UBE2R2: variants seen among roughly 807,000 people sequenced by gnomAD.
UBE2R2 encodes the protein ubiquitin-conjugating enzyme E2 R2.
A neutral mutation model predicts 27.8 loss-of-function variants in UBE2R2; 1 was observed. The ratio of observed to expected loss-of-function variants is 0.04; its 90% CI spans 0.01 to 0.17. The LOEUF (loss-of-function observed/expected upper bound fraction) is 0.17. Ranked by LOEUF, UBE2R2 falls within the 10% of genes least tolerant of loss-of-function variation. The pLI, the probability that UBE2R2 is intolerant of heterozygous loss-of-function variation, is 1.00. For missense variants in UBE2R2, 100 were observed against 291.0 expected (o/e 0.34, Z 4.78); for synonymous variants, 106 against 113.3 (o/e 0.94, Z 0.41).
chr9:33,859,793 TGTGTGTGAGAGA>T (rs1310970217), intron 1 of UBE2R2, among the ~76,000 whole-genome samples: 3 of 124,804 alleles, frequency 2.4e-5, no homozygotes, highest in African/African-American at 8.3e-5. Context: ...TGTGTGTGTG[TGTGTGTGAGAGA>T]GAGAGAGAGA....
chr9:33,881,866 T>G (rs1381992926), intron 1 of UBE2R2, among the ~76,000 whole-genome samples: 7 of 152,150 alleles, frequency 4.6e-5, no homozygotes, highest in Non-Finnish European at 1.0e-4. Flanking sequence ...ACTTTATTGT[T>G]AGAAAGTGAG....
intron 1 of UBE2R2, among the ~76,000 whole-genome samples, chr9:33,878,002 C>T (rs1821653142): frequency 6.6e-6 from 1 of 152,064 alleles, no homozygotes; most frequent in African/African-American, 2.4e-5. Context: ...GGTGATCCGC[C>T]CACCTCAGCC....
At chr9:33,889,074 G>A (rs1291640270) in intron 2 of UBE2R2, among the ~76,000 whole-genome samples, 1 of 152,176 alleles carries the variant, frequency 6.6e-6, no homozygotes, top group Non-Finnish European at 1.5e-5. Context: ...TGACTACACT[G>A]TTCTGTGTAA....
chr9:33,886,342 G>C lies in UBE2R2; in HGVS notation c.178-539G>C, dbSNP rs575720789. ...TATGTTTGTGTATGTGAGTGAGTGT[G>C]AGTTTTGGTGACTTAAAATAGCCTT... On this transcript the variant is annotated intron_variant, in intron 1 of 4. Transcript: ENST00000263228. Among the ~76,000 whole-genome samples the C allele has an allele frequency of 2.6e-5, 4 of 152,234 alleles. No individual in the cohort carries two copies. In the East Asian group the frequency reaches 7.7e-4, roughly 29 times the overall value.
intron 1 of UBE2R2, among the ~76,000 whole-genome samples, chr9:33,848,454 T>C (rs889672656): frequency 6.6e-6 from 1 of 152,134 alleles, no homozygotes; most frequent in Non-Finnish European, 1.5e-5. Context: ...GTAGATAGGA[T>C]GTGGGGCTGT....
chr9:33,836,061 C>T (rs1820607147), intron 1 of UBE2R2, among the ~76,000 whole-genome samples: 1 of 152,016 alleles, frequency 6.6e-6, no homozygotes, highest in Non-Finnish European at 1.5e-5. Context: ...CCAGCACTTT[C>T]GGGAGGGCGA....
At chr9:33,840,228 C>T (rs900644106) in intron 1 of UBE2R2, among the ~76,000 whole-genome samples, 1 of 152,090 alleles carries the variant, frequency 6.6e-6, no homozygotes, top group African/African-American at 2.4e-5. Context: ...ACTTTTCAGC[C>T]ATCCAGGAGC....
chr9:33,911,654 C>G (rs537801202), intron 3 of UBE2R2, among the ~76,000 whole-genome samples: 3 of 152,104 alleles, frequency 2.0e-5, no homozygotes, highest in East Asian at 1.9e-4. Context: ...TGTGCATTAC[C>G]CTTATACTAG....
At position 33,862,524 on chromosome 9, in the gene UBE2R2, C is replaced by A. The variant is rs576127955; in HGVS notation, c.178-24357C>A. On this transcript the variant is annotated intron_variant, in intron 1 of 4. Transcript: ENST00000263228. ...GGCTGAATTACATGCCGTGTGCTCT[C>A]ATTTTTTCCCACTAGTATGCACAAA... is the stretch of plus-strand genomic sequence containing the variant. Among the ~76,000 whole-genome samples the A allele has an allele frequency of 7.2e-5, 11 of 152,268 alleles. No homozygotes were observed. In the South Asian group the frequency reaches 1.4e-3, roughly 20 times the overall value.
intron 3 of UBE2R2, among the ~76,000 whole-genome samples, chr9:33,908,634 C>T (rs1822417088): frequency 6.6e-6 from 1 of 152,128 alleles, no homozygotes; most frequent in Admixed American, 6.5e-5. Context: ...TAGAATTTCT[C>T]ATTTTGTTAG....
At chr9:33,846,101 G>A (rs1346368146) in intron 1 of UBE2R2, among the ~76,000 whole-genome samples, 1 of 149,656 alleles carries the variant, frequency 6.7e-6, no homozygotes, top group East Asian at 2.0e-4. Context: ...CCTCCAGCCT[G>A]GGTGACAGCA....
chr9:33,864,769 G>A (rs148239983), intron 1 of UBE2R2, among the ~76,000 whole-genome samples: 11,778 of 149,370 alleles, frequency 0.079, 668 homozygotes, highest in Non-Finnish European at 0.12. Flanking sequence ...TTGTTGCCCA[G>A]GCTGGAGTAC....
chr9:33,828,737 GTT>G lies in UBE2R2; in HGVS notation c.177+10815_177+10816del, dbSNP rs111302398. The stretch of plus-strand genomic sequence containing the variant: ...CCACCATGCCCAGCTAATTTTTGTA[GTT>G]TTTTTTTTTTTGAGATGGAGTTTTG... On this transcript the variant is annotated intron_variant, in intron 1 of 4. Coordinates refer to ENST00000263228, the MANE Select transcript of UBE2R2 (RefSeq NM_017811.4). 1.2e-3 allele frequency among the ~76,000 whole-genome samples: 181 copies of G among 145,958 alleles called. 3 individuals carry two copies. Among genetic ancestry groups the G allele is most frequent in the Non-Finnish European group, 5.9e-4 (39 of 66,464 alleles).
At chr9:33,857,139 G>A (rs10971742) in intron 1 of UBE2R2, among the ~76,000 whole-genome samples, 27,905 of 150,766 alleles carry the variant, frequency 0.19, 2,911 homozygotes, top group South Asian at 0.33. Context: ...CAGGTGATCC[G>A]CCCGTCTGAG....
chr9:33,882,976 C>T (rs925421417), intron 1 of UBE2R2, among the ~76,000 whole-genome samples: 1 of 152,076 alleles, frequency 6.6e-6, no homozygotes, highest in Non-Finnish European at 1.5e-5. Context: ...GTGATCCCAG[C>T]TACTCGAGAG....
intron 2 of UBE2R2, 135 bp downstream of exon 2, chr9:33,887,102 G>A: frequency 1.4e-6 from 1 of 693,530 alleles, no homozygotes; most frequent in Non-Finnish European, 2.4e-6. Context: ...TTGCACTTCA[G>A]TTAACAGTTT....
At chr9:33,892,589 G>A (rs1822015472) in intron 2 of UBE2R2, among the ~76,000 whole-genome samples, 2 of 152,084 alleles carry the variant, frequency 1.3e-5, no homozygotes, top group African/African-American at 2.4e-5. Flanking sequence ...GAATATATTA[G>A]TATTTAGGCC....
At chr9:33,871,661 A>G (rs1051855752) in intron 1 of UBE2R2, among the ~76,000 whole-genome samples, 2 of 152,188 alleles carry the variant, frequency 1.3e-5, no homozygotes, top group Non-Finnish European at 2.9e-5. Flanking sequence ...TCAAGATTGT[A>G]ATTAACTTCT....
At chr9:33,827,659 A>G (rs1820345128) in intron 1 of UBE2R2, among the ~76,000 whole-genome samples, 1 of 151,852 alleles carries the variant, frequency 6.6e-6, no homozygotes, top group Admixed American at 6.6e-5. Flanking sequence ...AAATTAATTA[A>G]TTAATAAAAT....
Sources: gnomAD v4.1 joint callset for allele counts (sites outside exome capture counted in the v4.1 genomes callset) on GRCh38, gnomAD v4.1.1 for gene constraint, MANE v1.5 for transcripts, NCBI Gene and HGNC (gene_info 2026-07-23, HGNC 2026-07-21) for gene names.